The following LAMA3 variants were observed in gnomAD, a reference collection of about 807,000 sequenced individuals.
The protein encoded by LAMA3 is laminin subunit alpha-3.
A neutral mutation model predicts 402.0 loss-of-function variants in LAMA3; 281 were observed. The ratio of observed to expected loss-of-function variants is 0.70; its 90% CI spans 0.63 to 0.77. LAMA3 has a LOEUF of 0.77. LAMA3 is among the 30% of genes least tolerant of loss of function. The pLI is 0.00. For synonymous variants in LAMA3, 1,431 were observed against 1,558.4 expected (o/e 0.92, Z 1.93); for missense variants, 3,840 against 4,215.5 (o/e 0.91, Z 2.47).
intron 37 of LAMA3, among the ~76,000 whole-genome samples, chr18:23,870,987 C>A (rs1432870618): frequency 3.3e-5 from 5 of 152,086 alleles, no homozygotes; most frequent in Admixed American, 2.0e-4. Context: ...TTTTTTACCA[C>A]AATAACAATT....
At chr18:23,936,137 CA>C (rs1026975485) in intron 67 of LAMA3, among the ~76,000 whole-genome samples, 1 of 151,964 alleles carries the variant, frequency 6.6e-6, no homozygotes, top group African/African-American at 2.4e-5. Context: ...AAAAAGTTGC[CA>C]AAGAGCATCC....
Position 23,734,900 on chromosome 18 carries a change from G to A in LAMA3, c.448-13043G>A, listed in dbSNP as rs755338565. Among the ~76,000 whole-genome samples the A allele has an allele frequency of 8.5e-5, 13 of 152,172 alleles. 1 individual carries two copies. The highest frequency in any genetic ancestry group is 1.4e-4 in the African/African-American group (6 of 41,444). On this transcript the variant is annotated intron_variant, in intron 2 of 74. Coordinates refer to ENST00000313654, the MANE Select transcript of LAMA3 (RefSeq NM_198129.4). Reference sequence around the variant, plus strand: ...CGGCCAGCAGGAGCAGGACCTGGCCGTCCAGATGGATATTTTAAAGCTCAG... The same window carrying A: ...CGGCCAGCAGGAGCAGGACCTGGCCATCCAGATGGATATTTTAAAGCTCAG...
chr18:23,782,197 A>G (rs1232062046), intron 11 of LAMA3, among the ~76,000 whole-genome samples: 4 of 152,170 alleles, frequency 2.6e-5, no homozygotes, highest in Non-Finnish European at 4.4e-5. Flanking sequence ...TGAATCTTTG[A>G]GTCTTTTACG....
chr18:23,873,726 T>G (rs762529013), intron 38 of LAMA3, among the ~76,000 whole-genome samples: 2 of 152,236 alleles, frequency 1.3e-5, no homozygotes, highest in African/African-American at 2.4e-5. Flanking sequence ...GCTGCATGTA[T>G]TCTTACAGAG....
chr18:23,699,514 A>G (rs948582473), intron 1 of LAMA3, among the ~76,000 whole-genome samples: 4 of 152,214 alleles, frequency 2.6e-5, no homozygotes, highest in Admixed American at 6.5e-5. Flanking sequence ...GGGTCAGACT[A>G]TCTCCTTGAG....
intron 67 of LAMA3, among the ~76,000 whole-genome samples, chr18:23,935,697 G>T (rs1007698407): frequency 6.6e-6 from 1 of 152,110 alleles, no homozygotes; most frequent in Non-Finnish European, 1.5e-5. Flanking sequence ...TTGATGTGAG[G>T]ATTAAATGAA....
rs143789301 is a variant in LAMA3, at chr18:23,738,161, C to T, written c.448-9782C>T. ...GCAAGAGCAGAGGGGAGTGAGTCCC[C>T]GCACAGCAGTTGAAGTGTGGATGTG... On this transcript the variant is annotated intron_variant, in intron 2 of 74. Coordinates refer to ENST00000313654, the MANE Select transcript of LAMA3 (RefSeq NM_198129.4). 1.1e-3 allele frequency among the ~76,000 whole-genome samples: 171 copies of T among 151,938 alleles called. 2 individuals carry two copies. The East Asian group carries it at 0.024, about 22-fold the overall frequency.
intron 55 of LAMA3, among the ~76,000 whole-genome samples, chr18:23,912,291 A>C (rs2081459189): frequency 6.6e-6 from 1 of 151,634 alleles, no homozygotes; most frequent in Admixed American, 6.6e-5. Flanking sequence ...GAGCTACTGC[A>C]CCTGGCTTAA....
Position 23,839,601 on chromosome 18 carries a change from G to A in LAMA3, c.3192-184G>A, listed in dbSNP as rs2063654083. On this transcript the variant is annotated intron_variant, in intron 26 of 74. Coordinates refer to ENST00000313654, the MANE Select transcript of LAMA3 (RefSeq NM_198129.4). The surrounding 1 kb of genome is among the most constrained non-coding windows in gnomAD (Gnocchi z 4.5). Reference sequence around the variant, plus strand: ...TTTCAACTAGTTCAATGGAACAGGTGGCTGGAATACACTTGGCATGAGTAT... The same window carrying A: ...TTTCAACTAGTTCAATGGAACAGGTAGCTGGAATACACTTGGCATGAGTAT... Among the ~76,000 whole-genome samples the A allele has an allele frequency of 6.6e-6, 1 of 152,090 alleles. No homozygotes were observed. The highest frequency in any genetic ancestry group is 1.5e-5 in the Non-Finnish European group (1 of 68,010).
intron 12 of LAMA3, among the ~76,000 whole-genome samples, chr18:23,788,113 ACT>A (rs2144049639): frequency 6.6e-6 from 1 of 152,162 alleles, no homozygotes; most frequent in Non-Finnish European, 1.5e-5. Flanking sequence ...AATAAAGAGA[ACT>A]AGAAAGGATA....
intron 44 of LAMA3, 123 bp from the exon 45 acceptor site, chr18:23,898,615 T>G: frequency 1.4e-6 from 1 of 721,034 alleles, no homozygotes; most frequent in South Asian, 1.5e-5. Context: ...GAACCACATT[T>G]GTGTGTGTGT....
chr18:23,799,880 G>A (rs887418269), intron 12 of LAMA3, among the ~76,000 whole-genome samples: 3 of 152,194 alleles, frequency 2.0e-5, no homozygotes. Context: ...AAGACAGTCT[G>A]GAGGCAGAAT....
chr18:23,742,488 G>A (rs2061580187), intron 2 of LAMA3, among the ~76,000 whole-genome samples: 1 of 152,164 alleles, frequency 6.6e-6, no homozygotes, highest in African/African-American at 2.4e-5. Flanking sequence ...TCTTAGACAT[G>A]AAAATGTTGA....
At chr18:23,846,224 G>C in intron 30 of LAMA3, 73 bp from the exon 31 acceptor site, 1 of 1,443,252 alleles carries the variant, frequency 6.9e-7, no homozygotes, top group East Asian at 2.3e-5. Context: ...GGAGCAGGTG[G>C]TAAAGGCAAG....
rs1033921573 is a variant in LAMA3 at position 23,928,703 on chromosome 18, C to G, written c.8374C>G (p.Gln2792Glu). Reference protein sequence around the residue: ...DLGLPPTDHLQASFGFQTFQP... With the variant: ...DLGLPPTDHLEASFGFQTFQP... ...GGGCTTACCACCTACTGACCACCTC[C>G]AGGCCTCATTTGGATTTCAGACCTT... The change falls in exon 64 of 75, where the codon CAG (glutamine) becomes GAG (glutamate). Residue 2792 changes from glutamine to glutamate, a missense_variant. By Grantham distance (29) the Gln-to-Glu change is conservative (BLOSUM62 2). This residue lies in a region of LAMA3 where 840 missense variants were observed against 981.9 expected (regional missense o/e 0.86). Coordinates refer to ENST00000313654, the MANE Select transcript of LAMA3 (RefSeq NM_198129.4). 1 of 1,613,908 alleles carries G rather than the reference C, an allele frequency of 6.2e-7. No individual in the cohort carries two copies. The highest frequency in any genetic ancestry group is 1.3e-5 in the African/African-American group (1 of 75,048).
intron 42 of LAMA3, among the ~76,000 whole-genome samples, chr18:23,891,549 A>C (rs2080664768): frequency 6.6e-6 from 1 of 152,190 alleles, no homozygotes; most frequent in African/African-American, 2.4e-5. Flanking sequence ...TCCAATAGTA[A>C]GTGCCTCCCA....
At chr18:23,747,525 G>A (rs978513076) in intron 2 of LAMA3, among the ~76,000 whole-genome samples, 2 of 152,154 alleles carry the variant, frequency 1.3e-5, no homozygotes, top group Non-Finnish European at 2.9e-5. Flanking sequence ...CCAAAACCTG[G>A]AACCAGGGTT....
At chr18:23,835,307 A>G (rs1255933177) in intron 24 of LAMA3, among the ~76,000 whole-genome samples, 1 of 152,222 alleles carries the variant, frequency 6.6e-6, no homozygotes, top group East Asian at 1.9e-4. Flanking sequence ...CTAAGGGGGC[A>G]GGAGGAACTA....
chr18:23,757,247 C>T (rs1410774706), intron 6 of LAMA3, among the ~76,000 whole-genome samples: 1 of 152,050 alleles, frequency 6.6e-6, no homozygotes, highest in Non-Finnish European at 1.5e-5. Context: ...CCCTGGGCCT[C>T]GCCTGGCTCA....
Sources: allele counts gnomAD v4.1 joint callset (sites outside exome capture counted in the v4.1 genomes callset), GRCh38; gene constraint gnomAD v4.1.1; regional missense constraint gnomAD v4.1.1; non-coding constraint Gnocchi (gnomAD v3.1); transcripts MANE v1.5; gene names NCBI Gene and HGNC (gene_info 2026-07-23, HGNC 2026-07-21).